CSMD1: variants seen among roughly 807,000 people sequenced by gnomAD.
CSMD1 encodes CUB and Sushi multiple domains 1, also known as CUB and sushi domain-containing protein 1.
Under a neutral mutation model 417.5 loss-of-function variants are expected in CSMD1, and 213 were observed. The observed-to-expected ratio is 0.51, with a 90% CI of 0.46 to 0.57. The LOEUF is 0.57. Among genes scored for constraint, CSMD1 ranks in the 20% least tolerant of loss-of-function variants. CSMD1 has a pLI of 0.00. For missense variants in CSMD1, 6,923 were observed against 4,529.7 expected, an observed-to-expected ratio of 1.53 and a Z score of -15.17; for synonymous variants, 2,862 against 1,736.8, an observed-to-expected ratio of 1.65 and a Z score of -16.11.
chr8:3,395,657 G>A (rs1811646634), intron 17 of CSMD1, among the ~76,000 whole-genome samples: 1 of 152,090 alleles, frequency 6.6e-6, no homozygotes, highest in Admixed American at 6.5e-5. Context: ...ATTCATGCTT[G>A]TTGAAAGACT....
chr8:4,241,935 C>G (rs1457431202), intron 3 of CSMD1, among the ~76,000 whole-genome samples: 1 of 152,148 alleles, frequency 6.6e-6, no homozygotes, highest in Non-Finnish European at 1.5e-5. Context: ...ACTGTCCTAC[C>G]AATTGACCAG....
At position 4,880,655 on chromosome 8, in the gene CSMD1, C is replaced by T. The variant is rs144756729; in HGVS notation, c.85+113677G>A. Among the ~76,000 whole-genome samples the T allele has an allele frequency of 1.6e-3, 241 of 152,154 alleles. 4 individuals carry two copies. Among genetic ancestry groups the T allele is most frequent in the African/African-American group, 5.7e-3 (237 of 41,464 alleles). ...GTTCGAAGCGTCCCGATGAAGCAAT[C>T]GGAAGTGGAGACAGAGAGACTTTTC... On this transcript the variant is annotated intron_variant, in intron 1 of 69. Coordinates refer to ENST00000635120, the MANE Select transcript of CSMD1 (RefSeq NM_033225.6).
chr8:3,653,344 T>C (rs985787021), intron 7 of CSMD1, among the ~76,000 whole-genome samples: 2 of 152,180 alleles, frequency 1.3e-5, no homozygotes, highest in Non-Finnish European at 2.9e-5. Flanking sequence ...GATTCACTTT[T>C]GTTGTCCGGG....
intron 25 of CSMD1, among the ~76,000 whole-genome samples, chr8:3,307,008 G>C (rs748248616): frequency 6.9e-6 from 1 of 144,820 alleles, no homozygotes; most frequent in East Asian, 2.0e-4. Context: ...TACTTTCTTG[G>C]TCTACCTCAA....
chr8:4,466,860 C>T (rs1800203413), intron 2 of CSMD1, among the ~76,000 whole-genome samples: 1 of 151,940 alleles, frequency 6.6e-6, no homozygotes, highest in Non-Finnish European at 1.5e-5. Flanking sequence ...TCCAAGATGA[C>T]TTCAGCGATG....
At chr8:3,757,763 T>G (rs1189866339) in intron 5 of CSMD1, among the ~76,000 whole-genome samples, 1 of 151,706 alleles carries the variant, frequency 6.6e-6, no homozygotes, top group Admixed American at 6.6e-5. Context: ...GCAAGAGAAT[T>G]GCTTGAACCT....
chr8:3,385,937 C>T (rs868778798), intron 18 of CSMD1, among the ~76,000 whole-genome samples: 1 of 152,034 alleles, frequency 6.6e-6, no homozygotes, highest in Non-Finnish European at 1.5e-5. Context: ...GTAATTTCTG[C>T]CACCATCTGT....
chr8:4,405,630 G>C (rs1804962801), intron 3 of CSMD1, among the ~76,000 whole-genome samples: 1 of 152,140 alleles, frequency 6.6e-6, no homozygotes, highest in African/African-American at 2.4e-5. Context: ...GAAAAACAAG[G>C]TTTTGCTTGG....
Position 3,818,521 on chromosome 8 carries a change from C to A in CSMD1, c.819-64479G>T, listed in dbSNP as rs140808355. On this transcript the variant is annotated intron_variant, in intron 5 of 69. Transcript: ENST00000635120. ...TGAGAGATACAACTGCAGATTAGAC[C>A]AGGGTAGGCTTACCCCAAGAAGACA... 2.6e-5 allele frequency among the ~76,000 whole-genome samples: 4 copies of A among 152,148 alleles called. No individual in the cohort carries two copies. In the East Asian group the frequency reaches 7.8e-4, roughly 30 times the overall value.
chr8:4,032,621 A>G (rs1255315158), intron 3 of CSMD1, among the ~76,000 whole-genome samples: 1 of 152,212 alleles, frequency 6.6e-6, no homozygotes, highest in Non-Finnish European at 1.5e-5. Context: ...ATTAAATAAT[A>G]AATTAGAAAT....
intron 50 of CSMD1, among the ~76,000 whole-genome samples, chr8:3,051,186 T>C (rs183848062): frequency 3.6e-4 from 55 of 152,318 alleles, no homozygotes; most frequent in African/African-American, 1.3e-3. Context: ...AGCAAAGATA[T>C]GGAATCAACC....
At chr8:3,301,976 A>G (rs896083659) in intron 25 of CSMD1, among the ~76,000 whole-genome samples, 1 of 152,158 alleles carries the variant, frequency 6.6e-6, no homozygotes, top group Admixed American at 6.6e-5. Flanking sequence ...AATCTCATAT[A>G]ATTTATCAAA....
At chr8:4,665,817 A>G (rs911861851) in intron 1 of CSMD1, among the ~76,000 whole-genome samples, 12 of 152,184 alleles carry the variant, frequency 7.9e-5, no homozygotes, top group Non-Finnish European at 1.8e-4. Flanking sequence ...TGCTGTAAAT[A>G]TTTATGTAAA....
At chr8:4,652,590 T>A (rs1360296790) in intron 1 of CSMD1, among the ~76,000 whole-genome samples, 2 of 151,750 alleles carry the variant, frequency 1.3e-5, no homozygotes, top group Non-Finnish European at 2.9e-5. Context: ...AGGCAGAGGT[T>A]GCAGTGGGCC....
intron 25 of CSMD1, among the ~76,000 whole-genome samples, chr8:3,294,944 T>C (rs1803853916): frequency 1.3e-5 from 2 of 152,096 alleles, no homozygotes; most frequent in South Asian, 2.1e-4. Context: ...CTGGAGCTGT[T>C]CCTATTTGGC....
intron 2 of CSMD1, among the ~76,000 whole-genome samples, chr8:4,428,494 G>A (rs893080611): frequency 6.6e-6 from 1 of 152,116 alleles, no homozygotes; most frequent in African/African-American, 2.4e-5. Flanking sequence ...CCTGGCATAT[G>A]TGTATCTCTC....
At chr8:3,654,660 G>T (rs1344650366) in intron 7 of CSMD1, among the ~76,000 whole-genome samples, 2 of 152,198 alleles carry the variant, frequency 1.3e-5, no homozygotes, top group South Asian at 2.1e-4. Flanking sequence ...CTCCATTTGT[G>T]ATATGCTAAG....
intron 1 of CSMD1, among the ~76,000 whole-genome samples, chr8:4,962,995 T>C (rs191135613): frequency 5.9e-5 from 9 of 152,054 alleles, no homozygotes; most frequent in Non-Finnish European, 8.8e-5. Context: ...TGACGCTATA[T>C]ACGTATTTTT....
intron 1 of CSMD1, among the ~76,000 whole-genome samples, chr8:4,940,783 A>G (rs539483843): frequency 3.3e-5 from 5 of 152,174 alleles, no homozygotes; most frequent in Non-Finnish European, 5.9e-5. Context: ...TGAGGGGGCA[A>G]AAAAATTTTA....
Sources: allele counts gnomAD v4.1 joint callset (sites outside exome capture counted in the v4.1 genomes callset), GRCh38; gene constraint gnomAD v4.1.1; transcripts MANE v1.5; gene names NCBI Gene and HGNC (gene_info 2026-07-23, HGNC 2026-07-21).